The following TMEM260 variants were observed in gnomAD, a reference collection of about 807,000 sequenced individuals.
The protein encoded by TMEM260 is transmembrane protein 260, also known as protein O-mannosyl-transferase TMEM260.
In TMEM260, 82 loss-of-function variants were observed where a neutral mutation model predicts 88.9. The observed-to-expected ratio is 0.92, with a 90% CI of 0.77 to 1.11. The LOEUF is 1.11. Ranked by LOEUF, TMEM260 falls within the 50% of genes least tolerant of loss-of-function variation. The pLI, the probability that TMEM260 is intolerant of heterozygous loss-of-function variation, is 0.00. For missense variants in TMEM260, 902 were observed against 853.4 expected (o/e 1.06, Z -0.71); for synonymous variants, 314 against 309.3 (o/e 1.02, Z -0.16).
At chr14:56,646,290 G>A (rs1447096208) in intron 15 of TMEM260, among the ~76,000 whole-genome samples, 1 of 152,050 alleles carries the variant, frequency 6.6e-6, no homozygotes, top group Non-Finnish European at 1.5e-5. Context: ...AATATGATTG[G>A]GTTTCTTTTA....
intron 15 of TMEM260, among the ~76,000 whole-genome samples, chr14:56,642,310 C>G (rs1163070799): frequency 1.3e-5 from 2 of 152,152 alleles, no homozygotes; most frequent in South Asian, 2.1e-4. Context: ...CAAACTGTCT[C>G]TCAGACCACA....
chr14:56,616,579 A>G (rs1887607723), intron 8 of TMEM260, among the ~76,000 whole-genome samples: 1 of 152,038 alleles, frequency 6.6e-6, no homozygotes, highest in Non-Finnish European at 1.5e-5. Context: ...TTCTATGACC[A>G]CAGGAGAATT....
At chr14:56,655,314 C>T (rs562165945), downstream of TMEM260, among the ~76,000 whole-genome samples, 82 of 150,944 alleles carry the variant, frequency 5.4e-4, no homozygotes, top group Non-Finnish European at 2.1e-4. Flanking sequence ...TGCTTAAACC[C>T]GGGAGGCGGA....
At position 56,631,637 on chromosome 14, in the gene TMEM260, AAG is replaced by A. The variant is rs1406221208; in HGVS notation, c.1548-1354_1548-1353del. The stretch of plus-strand genomic sequence containing the variant: ...GACTCTGTCTCAAAAAAAAAAAAAA[AAG>A]AGACTGTGCAGTGTGTTTACTGGAG... On this transcript the variant is annotated intron_variant, in intron 12 of 15. Transcript: ENST00000261556. Among the ~76,000 whole-genome samples the A allele has an allele frequency of 1.4e-4, 21 of 151,676 alleles. No homozygotes were observed. In the South Asian group the frequency reaches 1.9e-3, roughly 14 times the overall value.
chr14:56,650,379 T>C (rs1032861315), downstream of TMEM260: 2 of 229,556 alleles, frequency 8.7e-6, no homozygotes, highest in African/African-American at 4.6e-5. Flanking sequence ...GTGGCTCCCA[T>C]GTTATCTGAC....
intron 15 of TMEM260, among the ~76,000 whole-genome samples, chr14:56,639,621 A>G (rs1440784957): frequency 6.6e-6 from 1 of 152,216 alleles, no homozygotes; most frequent in African/African-American, 2.4e-5. Flanking sequence ...TACCGGGTTC[A>G]TCTCACTGGG....
intron 8 of TMEM260, chr14:56,616,238 T>G: frequency 4.5e-6 from 2 of 448,284 alleles, no homozygotes; most frequent in Non-Finnish European, 8.0e-6. Context: ...TTATATTACA[T>G]CTAAGTAGAC....
chr14:56,602,102 TG>T (rs1886614159), intron 3 of TMEM260, among the ~76,000 whole-genome samples: 1 of 152,150 alleles, frequency 6.6e-6, no homozygotes, highest in Admixed American at 6.6e-5. Flanking sequence ...TTTGTGTGTT[TG>T]GGGCTAGATA....
chr14:56,650,264 G>A (rs1169962453), downstream of TMEM260: 2 of 332,914 alleles, frequency 6.0e-6, no homozygotes, highest in South Asian at 2.4e-5. Context: ...GGCCTGAAGA[G>A]CCAGTGGGAG....
downstream of TMEM260, among the ~76,000 whole-genome samples, chr14:56,653,839 C>G (rs1890254239): frequency 6.6e-6 from 1 of 151,526 alleles, no homozygotes; most frequent in Admixed American, 6.6e-5. Flanking sequence ...AAACTGACAT[C>G]TATACTAAAC....
chr14:56,646,876 G>C (rs1890000844), intron 15 of TMEM260, among the ~76,000 whole-genome samples: 1 of 150,998 alleles, frequency 6.6e-6, no homozygotes, highest in Non-Finnish European at 1.5e-5. Flanking sequence ...TTCTCCAACA[G>C]CTAAATTTAG....
intron 10 of TMEM260, among the ~76,000 whole-genome samples, chr14:56,619,107 GT>G (rs1221282564): frequency 6.6e-6 from 1 of 152,144 alleles, no homozygotes; most frequent in African/African-American, 2.4e-5. Flanking sequence ...ATGATTTAGA[GT>G]TTTTTGTATA....
At chr14:56,603,684 T>G in intron 3 of TMEM260, 131 bp from the exon 4 acceptor site, 2 of 864,100 alleles carry the variant, frequency 2.3e-6, no homozygotes, top group Non-Finnish European at 1.8e-6. Flanking sequence ...TGAGTTAATG[T>G]ATTAACCATA....
chr14:56,607,860 A>C (rs773701715), intron 5 of TMEM260, among the ~76,000 whole-genome samples: 5 of 152,170 alleles, frequency 3.3e-5, no homozygotes, highest in Non-Finnish European at 7.3e-5. Context: ...GGAGCCACTT[A>C]TTCCCCAACT....
chr14:56,650,132 G>A (rs1406287905), downstream of TMEM260: 6 of 455,306 alleles, frequency 1.3e-5, no homozygotes, highest in Non-Finnish European at 2.6e-5. Flanking sequence ...CCGACATTGA[G>A]GAGACTGTAA....
chr14:56,605,599 C>T lies in TMEM260; in HGVS notation c.552C>T (p.Gly184=). 1 of 1,563,558 alleles carries T rather than the reference C, an allele frequency of 6.4e-7. No homozygotes were observed. Among genetic ancestry groups the T allele is most frequent in the South Asian group, 1.3e-5 (1 of 79,702 alleles). ...CTAAAATTGGTGCTTTCTGCTGTGGCCTTAGTTTATGTAACCAGCACACAA... is the reference window on the plus strand; with the variant it reads ...CTAAAATTGGTGCTTTCTGCTGTGGTCTTAGTTTATGTAACCAGCACACAA... ...KVAKIGAFCC[G]LSLCNQHTII... The change falls in exon 5 of 16, where the codon GGC becomes GGT. Residue 184 remains glycine, a synonymous_variant. Coordinates refer to ENST00000261556, the MANE Select transcript of TMEM260 (RefSeq NM_017799.4).
Position 56,625,422 on chromosome 14 carries a change from A to AT in TMEM260, c.1439_1440insT (p.Pro482AlafsTer19). 6.2e-7 allele frequency: 1 copy of AT among 1,613,888 alleles called. No homozygotes were observed. Among genetic ancestry groups the AT allele is most frequent in the South Asian group, 1.1e-5 (1 of 91,014 alleles). ...TGGTATTTACCCAAGATGGCAAAGC[A>AT]CTTGCCAGGTGTCAACTTTCCTGGG... is the stretch of plus-strand genomic sequence containing the variant. On this transcript the variant is annotated frameshift_variant, in exon 12 of 16. Transcript: ENST00000261556. LOFTEE classifies it high-confidence loss of function.
chr14:56,587,481 T>G (rs1885578798), intron 3 of TMEM260, among the ~76,000 whole-genome samples: 1 of 151,994 alleles, frequency 6.6e-6, no homozygotes, highest in African/African-American at 2.4e-5. Flanking sequence ...TAAAAATAGC[T>G]TTTATTAATT....
intron 14 of TMEM260, among the ~76,000 whole-genome samples, chr14:56,635,805 A>C (rs1421294632): frequency 6.6e-6 from 1 of 152,136 alleles, no homozygotes; most frequent in South Asian, 2.1e-4. Flanking sequence ...AGGTTTTTAA[A>C]GAGTGGTCAA....
Sources: gnomAD v4.1 joint callset for allele counts (sites outside exome capture counted in the v4.1 genomes callset) on GRCh38, gnomAD v4.1.1 for gene constraint, MANE v1.5 for transcripts, NCBI Gene and HGNC (gene_info 2026-07-23, HGNC 2026-07-21) for gene names.